Variants in RADIL observed in about 807,000 individuals in gnomAD.
RADIL encodes Rap associating with DIL domain, also known as ras-associating and dilute domain-containing protein.
In RADIL, 99 loss-of-function variants were observed where a neutral mutation model predicts 97.6. The ratio of observed to expected loss-of-function variants is 1.01; its 90% CI spans 0.86 to 1.20. The LOEUF (loss-of-function observed/expected upper bound fraction) is 1.20. Among genes scored for constraint, RADIL ranks in the 50% most tolerant of loss-of-function variants. RADIL has a pLI of 0.00. For missense variants in RADIL, 1,765 were observed against 1,498.9 expected, an observed-to-expected ratio of 1.18 and a Z score of -2.93; for synonymous variants, 803 against 691.8, an observed-to-expected ratio of 1.16 and a Z score of -2.52.
chr7:4,797,228 G>A lies in RADIL; in HGVS notation c.*2150C>T, dbSNP rs1781950725. 6.6e-6 allele frequency: 1 copy of A among 152,276 alleles called. No homozygotes were observed. The highest frequency in any genetic ancestry group is 2.4e-5 in the African/African-American group (1 of 41,468). 9.4% of individuals were successfully genotyped at this position (152,276 alleles called of 1,614,324 possible). On this transcript the variant is annotated 3_prime_UTR_variant, in exon 15 of 15. Coordinates refer to ENST00000399583, the MANE Select transcript of RADIL (RefSeq NM_018059.5). ...TCAGCTAGGTGCTTCAGCGGCCAGA[G>A]GCTAGCTGGGCCTCCCCGACTCCAC... is the stretch of plus-strand genomic sequence containing the variant.
In RADIL at chr7:4,817,348, G is replaced by A. The variant is rs775343154; in HGVS notation, c.1619C>T (p.Ser540Leu). 9.9e-6 allele frequency: 16 copies of A among 1,610,600 alleles called. No homozygotes were observed. Among genetic ancestry groups the A allele is most frequent in the East Asian group, 2.2e-5 (1 of 44,846 alleles). ...SMEEQLDITG[S>L]KESLFSCTLT... is the part of the protein sequence containing the mutation. ...CGTGCAGGAGAACAGCGATTCCTTC[G>A]AGCCTGCCGGGAGACAGCCACGCCA... is the stretch of plus-strand genomic sequence containing the variant. The change falls in exon 7 of 15, where the codon TCG becomes TTG. Residue 540 changes from serine to leucine, a missense_variant. Transcript: ENST00000399583. This position sits in a 1 kb window ranked among gnomAD's most constrained non-coding sequence, Gnocchi z 8.3.
At position 4,867,322 on chromosome 7, in the gene RADIL, A is replaced by G. The variant is rs1784152680; in HGVS notation, c.535+10283T>C. Among the ~76,000 whole-genome samples, 1 of 152,220 alleles carries G rather than the reference A, an allele frequency of 6.6e-6. No homozygotes were observed. Among genetic ancestry groups the G allele is most frequent in the South Asian group, 2.1e-4 (1 of 4,830 alleles). ...AAGAATGCCTCCGAGAACTCTGCAC[A>G]AGCCCTCAACAGGTTCATTGTGTCA... On this transcript the variant is annotated intron_variant, in intron 2 of 14. Transcript: ENST00000399583. The surrounding 1 kb of genome is among the most constrained non-coding windows in gnomAD (Gnocchi z 4.1).
chr7:4,816,128 A>AG, intron 8 of RADIL, 100 bp downstream of exon 8: 1 of 1,165,442 alleles, frequency 8.6e-7, no homozygotes, highest in Non-Finnish European at 1.2e-6. Context: ...GAGGCCAAAA[A>AG]GGGCAGAGCC....
In RADIL at chr7:4,799,749, G is replaced by C. The variant is rs369512689; in HGVS notation, c.3003C>G (p.Pro1001=). 2.3e-5 allele frequency: 35 copies of C among 1,546,822 alleles called. No individual in the cohort carries two copies. Among genetic ancestry groups the C allele is most frequent in the Non-Finnish European group, 2.9e-5 (33 of 1,151,282 alleles). The change falls in exon 14 of 15, where the codon CCC becomes CCG. Residue 1001 remains proline, a synonymous_variant. Coordinates refer to ENST00000399583, the MANE Select transcript of RADIL (RefSeq NM_018059.5). ...IDGMHTHLGA[P]GLYIQTLLPG... ...GGAGCAGGGTCTGGATGTAGAGCCC[G>C]GGGGCGCCCAGGTGCGTGTGCTGGG...
At chr7:4,810,291 T>C (rs998662063) in intron 9 of RADIL, among the ~76,000 whole-genome samples, 12 of 152,148 alleles carry the variant, frequency 7.9e-5, no homozygotes, top group African/African-American at 2.9e-4. Flanking sequence ...CCCCAGGTAG[T>C]TGGGAATACA....
rs1199137180 is a variant in RADIL at position 4,832,163 on chromosome 7, G to C, written c.1432C>G (p.Leu478Val). The C allele has an allele frequency of 1.2e-6, 2 of 1,611,814 alleles. No individual in the cohort carries two copies. Among genetic ancestry groups the C allele is most frequent in the Middle Eastern group, 1.7e-4 (1 of 6,056 alleles). The change falls in exon 5 of 15, where the codon CTA becomes GTA. Residue 478 changes from leucine (L) to valine (V), a missense_variant. Leu to Val is a conservative substitution (Grantham distance 32). Coordinates refer to ENST00000399583, the MANE Select transcript of RADIL (RefSeq NM_018059.5). ...CACAGTTGCGCCTGCTTCTCTGCTA[G>C]TTCTTTGGTTTTCTCCTACAATTAC... Reference protein sequence around the residue: ...RETVWEKTKELAEKQAQLQEP... With the variant: ...RETVWEKTKEVAEKQAQLQEP...
At position 4,803,475 on chromosome 7, in the gene RADIL, G is replaced by A. The variant is rs913094671; in HGVS notation, c.2499+71C>T. The A allele has an allele frequency of 5.0e-5, 67 of 1,343,022 alleles. 2 individuals are homozygous for A. The Middle Eastern group carries it at 8.0e-4, about 16-fold the overall frequency. 83.2% of individuals were successfully genotyped at this position (1,343,022 alleles called of 1,614,324 possible). Reference sequence around the variant, plus strand: ...GGTGGCCCCCTCCCCGGGCACCTCGGGGCACGCTGGCTGGGTCCCCTCCCC... The same window carrying A: ...GGTGGCCCCCTCCCCGGGCACCTCGAGGCACGCTGGCTGGGTCCCCTCCCC... On this transcript the variant is annotated intron_variant, in intron 11 of 14. Coordinates refer to ENST00000399583, the MANE Select transcript of RADIL (RefSeq NM_018059.5).
At chr7:4,860,192 G>C in intron 2 of RADIL, 2 of 1,614,032 alleles carry the variant, frequency 1.2e-6, no homozygotes, top group Non-Finnish European at 1.7e-6. Flanking sequence ...CATAGTGCTA[G>C]TAGATGAAGG....
At chr7:4,875,586 C>T (rs1264532215) in intron 2 of RADIL, among the ~76,000 whole-genome samples, 1 of 152,194 alleles carries the variant, frequency 6.6e-6, no homozygotes, top group Admixed American at 6.5e-5. Context: ...AGCCACACAG[C>T]AGCAACCCTG....
At chr7:4,833,739 C>A (rs1324138020) in intron 4 of RADIL, among the ~76,000 whole-genome samples, 1 of 152,192 alleles carries the variant, frequency 6.6e-6, no homozygotes, top group African/African-American at 2.4e-5. Context: ...CGAACTTGAA[C>A]AACTACGAGT....
At chr7:4,845,822 T>C (rs1783553179) in intron 2 of RADIL, among the ~76,000 whole-genome samples, 1 of 152,210 alleles carries the variant, frequency 6.6e-6, no homozygotes, top group South Asian at 2.1e-4. Context: ...GATAAAATGC[T>C]TAAGCCATTT....
intron 9 of RADIL, chr7:4,809,308 C>T (rs1782466502): frequency 1.0e-6 from 1 of 985,256 alleles, no homozygotes; most frequent in Non-Finnish European, 1.2e-6. Context: ...GCCCTCGGCT[C>T]GGCCTAGTTT....
rs1005104476 is a variant in RADIL, at chr7:4,837,716, G to A, written c.536-1111C>T. ...ATACATGCACACAAACATGCGCACA[G>A]TTCAGAGATAACACACACCCTTAGA... On this transcript the variant is annotated intron_variant, in intron 2 of 14. Coordinates refer to ENST00000399583, the MANE Select transcript of RADIL (RefSeq NM_018059.5). The surrounding 1 kb of genome is among the most constrained non-coding windows in gnomAD (Gnocchi z 5.6). 3.6e-6 allele frequency: 2 copies of A among 556,102 alleles called. No individual in the cohort carries two copies. Among genetic ancestry groups the A allele is most frequent in the African/African-American group, 4.1e-5 (2 of 48,396 alleles). The allele number at this position is 556,102 out of a possible 1,614,324, so 34.4% of individuals were successfully genotyped here.
intron 5 of RADIL, among the ~76,000 whole-genome samples, chr7:4,825,574 A>G (rs938774990): frequency 2.6e-5 from 4 of 152,156 alleles, no homozygotes; most frequent in Non-Finnish European, 5.9e-5. Context: ...AGAAAAAAGG[A>G]AAGAGAGAGA....
intron 5 of RADIL, among the ~76,000 whole-genome samples, chr7:4,826,412 TAAAG>T (rs1735379859): frequency 6.6e-6 from 1 of 151,566 alleles, no homozygotes. Flanking sequence ...TTGAAACTAA[TAAAG>T]AAGGAAAAGG....
intron 10 of RADIL, 54 bp from the exon 11 acceptor site, chr7:4,803,808 C>A (rs1354964558): frequency 1.4e-6 from 2 of 1,471,468 alleles, no homozygotes; most frequent in South Asian, 2.4e-5. Context: ...GCCTCCCTCG[C>A]CAGGCCGCCC....
intron 5 of RADIL, among the ~76,000 whole-genome samples, chr7:4,827,593 G>T (rs962260626): frequency 6.6e-6 from 1 of 152,148 alleles, no homozygotes; most frequent in Non-Finnish European, 1.5e-5. Flanking sequence ...CCCAGGAGGC[G>T]GAGGTTGCAG....
At chr7:4,870,344 G>A (rs946279309) in intron 2 of RADIL, among the ~76,000 whole-genome samples, 1 of 152,164 alleles carries the variant, frequency 6.6e-6, no homozygotes, top group Non-Finnish European at 1.5e-5. Flanking sequence ...CATGAGAGAC[G>A]CTACTCAGTA....
rs756772175 is a variant in RADIL, at chr7:4,819,599, G to A, written c.1616-2248C>T. Among the ~76,000 whole-genome samples the A allele has an allele frequency of 6.6e-6, 1 of 152,186 alleles. No homozygotes were observed. The highest frequency in any genetic ancestry group is 1.5e-5 in the Non-Finnish European group (1 of 68,038). On this transcript the variant is annotated intron_variant, in intron 6 of 14. Transcript: ENST00000399583. This position sits in a 1 kb window ranked among gnomAD's most constrained non-coding sequence, Gnocchi z 5.8. ...GGCGCACACGATGGTGTGAGGCGGC[G>A]CGGGAGGGGCCTGGGTCAGAGCTTT...
Sources: gnomAD v4.1 joint callset for allele counts (sites outside exome capture counted in the v4.1 genomes callset) on GRCh38, gnomAD v4.1.1 for gene constraint, Gnocchi (gnomAD v3.1) non-coding constraint, MANE v1.5 for transcripts, NCBI Gene and HGNC (gene_info 2026-07-23, HGNC 2026-07-21) for gene names.